The following SEMA3A variants were observed in gnomAD, a reference collection of about 807,000 sequenced individuals.
SEMA3A encodes the protein semaphorin-3A.
SEMA3A carries 29 observed loss-of-function variants against 97.9 expected under a neutral mutation model. That is an observed-to-expected ratio of 0.30 (90% CI 0.22 to 0.40). The LOEUF (loss-of-function observed/expected upper bound fraction) is 0.40, where lower values mean the gene tolerates loss of function less well. Among genes scored for constraint, SEMA3A ranks in the 10% least tolerant of loss-of-function variants. The probability of loss-of-function intolerance (pLI) is 1.00; values close to 1 mark genes in which losing one functional copy is unlikely to be tolerated. For synonymous variants in SEMA3A, 321 were observed against 323.7 expected (o/e 0.99, Z 0.09); for missense variants, 763 against 951.3 (o/e 0.80, Z 2.60).
At chr7:84,353,695 T>C (rs1001309854) in intron 2 of SEMA3A, among the ~76,000 whole-genome samples, 2 of 151,770 alleles carry the variant, frequency 1.3e-5, no homozygotes, top group African/African-American at 2.4e-5. Flanking sequence ...AGACATGCCA[T>C]GCTATTTACA....
intron 1 of SEMA3A, among the ~76,000 whole-genome samples, chr7:84,423,890 A>C (rs1276996680): frequency 6.6e-6 from 1 of 152,050 alleles, no homozygotes; most frequent in Non-Finnish European, 1.5e-5. Context: ...TATATTTAAA[A>C]AATATTCAAC....
At chr7:84,221,819 A>G (rs1436023395) in intron 3 of SEMA3A, among the ~76,000 whole-genome samples, 1 of 152,052 alleles carries the variant, frequency 6.6e-6, no homozygotes, top group Non-Finnish European at 1.5e-5. Context: ...ATAATAATCT[A>G]AAAGTTTGAA....
At chr7:84,369,739 G>C (rs1244720785) in intron 2 of SEMA3A, among the ~76,000 whole-genome samples, 1 of 149,716 alleles carries the variant, frequency 6.7e-6, no homozygotes, top group Non-Finnish European at 1.5e-5. Context: ...TGCCATTTTA[G>C]AAAGAGGTGA....
intron 1 of SEMA3A, among the ~76,000 whole-genome samples, chr7:84,161,695 T>A (rs899233502): frequency 5.9e-5 from 9 of 152,148 alleles, no homozygotes; most frequent in African/African-American, 1.9e-4. Context: ...ATTTTGGAAC[T>A]GGTACAGAGC....
chr7:84,417,742 T>G (rs75236168), intron 1 of SEMA3A, among the ~76,000 whole-genome samples: 3,989 of 152,168 alleles, frequency 0.026, 164 homozygotes, highest in African/African-American at 0.09. Context: ...CTAATCCAAA[T>G]TAGTTCATAA....
At chr7:84,392,162 GTA>G (rs1409189573) in intron 1 of SEMA3A, among the ~76,000 whole-genome samples, 1 of 151,944 alleles carries the variant, frequency 6.6e-6, no homozygotes, top group Non-Finnish European at 1.5e-5. Flanking sequence ...GTTATTAGAG[GTA>G]TTCGTCATGC....
intron 1 of SEMA3A, among the ~76,000 whole-genome samples, chr7:84,435,763 G>A (rs867456422): frequency 6.6e-6 from 1 of 152,070 alleles, no homozygotes; most frequent in Non-Finnish European, 1.5e-5. Flanking sequence ...GCAATCTACA[G>A]ATTCAACACT....
At chr7:84,029,605 T>G (rs1048428056) in intron 6 of SEMA3A, among the ~76,000 whole-genome samples, 3 of 152,164 alleles carry the variant, frequency 2.0e-5, no homozygotes, top group Non-Finnish European at 2.9e-5. Context: ...ATATTGTAAA[T>G]GTATTCATCC....
chr7:84,469,535 A>C (rs1201503571), intron 1 of SEMA3A, among the ~76,000 whole-genome samples: 1 of 152,160 alleles, frequency 6.6e-6, no homozygotes, highest in Non-Finnish European at 1.5e-5. Flanking sequence ...AGGTTGAGTT[A>C]CTTCCTTCTT....
At chr7:84,049,700 T>A (rs73187479) in intron 5 of SEMA3A, among the ~76,000 whole-genome samples, 1 of 149,110 alleles carries the variant, frequency 6.7e-6, no homozygotes, top group African/African-American at 2.5e-5. Context: ...ATGTTGATTC[T>A]TTTTTTTTTC....
At chr7:83,977,227 G>GC in intron 14 of SEMA3A, 31 bp from the exon 15 acceptor site, 1 of 1,339,686 alleles carries the variant, frequency 7.5e-7, no homozygotes, top group South Asian at 1.5e-5. Context: ...AGGTGTTATT[G>GC]TATCCTTATT....
At chr7:84,472,889 T>C (rs1806188512) in intron 1 of SEMA3A, among the ~76,000 whole-genome samples, 2 of 152,206 alleles carry the variant, frequency 1.3e-5, no homozygotes, top group East Asian at 1.9e-4. Flanking sequence ...TGGCAGATGA[T>C]ATAATTAACA....
At chr7:84,273,393 T>C (rs764416960) in intron 3 of SEMA3A, among the ~76,000 whole-genome samples, 1 of 152,096 alleles carries the variant, frequency 6.6e-6, no homozygotes, top group Admixed American at 6.6e-5. Flanking sequence ...TTAAGAAGCA[T>C]AATTAATGAT....
At chr7:83,979,357 C>T (rs1324449993) in intron 14 of SEMA3A, among the ~76,000 whole-genome samples, 4 of 152,152 alleles carry the variant, frequency 2.6e-5, no homozygotes, top group African/African-American at 7.2e-5. Context: ...TGGTCTCAAA[C>T]TCTTGACATC....
intron 3 of SEMA3A, among the ~76,000 whole-genome samples, chr7:84,203,526 A>ATATATATTTTTTTTTTTT (rs372380784): frequency 1.6e-4 from 4 of 25,674 alleles, no homozygotes; most frequent in Non-Finnish European, 2.8e-4. Context: ...ATATATATAT[A>ATATATATTTTTTTTTTTT]TTTTTTTTTT....
Position 84,429,516 on chromosome 7 carries a change from TTATATATA to T in SEMA3A, c.-245-57624_-245-57617del, listed in dbSNP as rs10523978. On this transcript the variant is annotated intron_variant, in intron 1 of 3. Coordinates refer to the SEMA3A transcript ENST00000424555. ...TTGCATTAGTAAAATATAGAGTTTG[TTATATATA>T]TATATATATATATATATATATATAG... Among the ~76,000 whole-genome samples the T allele has an allele frequency of 8.7e-4, 63 of 72,386 alleles. 3 individuals are homozygous for T. The highest frequency in any genetic ancestry group is 8.6e-3 in the East Asian group (17 of 1,972). The allele number at this position is 72,386 out of a possible 152,430, so 47.5% of individuals were successfully genotyped here. A position where few individuals can be genotyped will look rare whatever the true frequency, so the allele number is the denominator to read the frequency against.
intron 2 of SEMA3A, among the ~76,000 whole-genome samples, chr7:84,340,636 TG>T: frequency 6.6e-6 from 1 of 151,322 alleles, no homozygotes; most frequent in Non-Finnish European, 1.5e-5. Flanking sequence ...AAAAATTAGC[TG>T]GGGGTGGTGG....
chr7:84,156,518 T>G (rs6977516), intron 1 of SEMA3A, among the ~76,000 whole-genome samples: 118,134 of 152,010 alleles, frequency 0.78, 46,125 homozygotes, highest in East Asian at 0.91. Flanking sequence ...CCCCAGAAAT[T>G]ATTGTTTTCT....
Position 84,264,763 on chromosome 7 carries a change from GTC to G in SEMA3A, c.-83+42442_-83+42443del, listed in dbSNP as rs555071331. On this transcript the variant is annotated intron_variant, in intron 3 of 3. Coordinates refer to the SEMA3A transcript ENST00000424555. ...GCTGACTTGAGCCAGGGCAGACTCA[GTC>G]TTCTATCTTTTCTGTGTTCTGCAGT... Among the ~76,000 whole-genome samples the G allele has an allele frequency of 1.9e-4, 29 of 152,284 alleles. No individual in the cohort carries two copies. In the South Asian group the frequency reaches 5.8e-3, roughly 30 times the overall value.
Sources: gnomAD v4.1 joint callset for allele counts (sites outside exome capture counted in the v4.1 genomes callset) on GRCh38, gnomAD v4.1.1 for gene constraint, MANE v1.5 for transcripts, NCBI Gene and HGNC (gene_info 2026-07-23, HGNC 2026-07-21) for gene names.